The following TBC1D16 variants were observed in gnomAD, a reference collection of about 807,000 sequenced individuals.
TBC1D16 encodes the protein TBC1 domain family member 16, also known as CTD-2529O21.1.
TBC1D16 carries 58 observed loss-of-function variants against 74.7 expected under a neutral mutation model. The observed-to-expected ratio is 0.78, with a 90% CI of 0.63 to 0.97. TBC1D16 has a LOEUF of 0.97. Ranked by LOEUF, TBC1D16 falls within the 50% of genes least tolerant of loss-of-function variation. TBC1D16 has a pLI of 0.00. For synonymous variants in TBC1D16, 493 were observed against 474.7 expected (o/e 1.04, Z -0.50); for missense variants, 1,014 against 1,079.5 (o/e 0.94, Z 0.85).
At position 79,948,913 on chromosome 17, in the gene TBC1D16, C is replaced by G; in HGVS notation, c.1500G>C (p.Gln500His). 6.2e-7 allele frequency: 1 copy of G among 1,614,170 alleles called. No individual in the cohort carries two copies. Among genetic ancestry groups the G allele is most frequent in the South Asian group, 1.1e-5 (1 of 91,086 alleles). Residue 500 changes from glutamine (Q) to histidine (H), a missense_variant, in exon 8 of 12, where the codon CAG becomes CAC. Coordinates refer to ENST00000310924, the MANE Select transcript of TBC1D16 (RefSeq NM_019020.4). ...KDVVRTDRNNQFFRGEDNPNV... is the reference protein window; with the variant it reads ...KDVVRTDRNNHFFRGEDNPNV... ...TGGGATTGTCTTCCCCCCGGAAGAA[C>G]TGGTTGTTCCGATCTGTCCGGACCA...
Position 79,938,339 on chromosome 17 carries a change from A to G in TBC1D16, c.*2520T>C, listed in dbSNP as rs1312215062. 2.0e-5 allele frequency: 3 copies of G among 152,466 alleles called. No individual in the cohort carries two copies. The highest frequency in any genetic ancestry group is 7.2e-5 in the African/African-American group (3 of 41,450). 9.4% of individuals were successfully genotyped at this position (152,466 alleles called of 1,614,324 possible). ...CCCATGGGGAGCGTGAGGTGCGAGC[A>G]GTGCACGGTGGGGGTGGCACTTGGT... On this transcript the variant is annotated 3_prime_UTR_variant, in exon 12 of 12. Coordinates refer to ENST00000310924, the MANE Select transcript of TBC1D16 (RefSeq NM_019020.4).
chr17:79,971,266 A>G lies in TBC1D16; in HGVS notation c.780-18448T>C, dbSNP rs1237959203. Reference sequence around the variant, plus strand: ...TCAAACTCCTGGCCTCAGGTGATCCACCCACTTCGGCCTCCCAAAGTGCTG... The same window carrying G: ...TCAAACTCCTGGCCTCAGGTGATCCGCCCACTTCGGCCTCCCAAAGTGCTG... On this transcript the variant is annotated intron_variant, in intron 3 of 11. Transcript: ENST00000310924. This position sits in a 1 kb window ranked among gnomAD's most constrained non-coding sequence, Gnocchi z 4.6. 6.6e-6 allele frequency among the ~76,000 whole-genome samples: 1 copy of G among 152,108 alleles called. No homozygotes were observed. The highest frequency in any genetic ancestry group is 1.9e-4 in the East Asian group (1 of 5,182).
At chr17:79,951,013 CA>C (rs2033011436) in intron 5 of TBC1D16, among the ~76,000 whole-genome samples, 1 of 152,126 alleles carries the variant, frequency 6.6e-6, no homozygotes, top group Non-Finnish European at 1.5e-5. Flanking sequence ...CTGCAGCTGA[CA>C]TTTAATTCAA....
chr17:80,031,061 C>T (rs2036759466), intron 1 of TBC1D16, among the ~76,000 whole-genome samples: 1 of 152,142 alleles, frequency 6.6e-6, no homozygotes, highest in African/African-American at 2.4e-5. Context: ...GCTTCCTCCA[C>T]CTGCCCAGAG....
intron 3 of TBC1D16, among the ~76,000 whole-genome samples, chr17:79,955,642 G>A (rs921966341): frequency 1.3e-5 from 2 of 152,138 alleles, no homozygotes; most frequent in East Asian, 3.8e-4. Flanking sequence ...TTTTGCAGGC[G>A]ATAACTCCCA....
intron 3 of TBC1D16, chr17:79,992,951 C>T (rs1209704698): frequency 1.3e-5 from 2 of 152,314 alleles, no homozygotes; most frequent in East Asian, 1.9e-4. Flanking sequence ...GGGCTGGTCT[C>T]GACCCCACTC....
chr17:80,012,839 T>C (rs1308819330), intron 2 of TBC1D16, among the ~76,000 whole-genome samples: 1 of 152,116 alleles, frequency 6.6e-6, no homozygotes, highest in Non-Finnish European at 1.5e-5. Context: ...TGAAACATCC[T>C]TTTAGCAGCC....
chr17:80,005,027 A>G (rs1483730956), intron 3 of TBC1D16, among the ~76,000 whole-genome samples: 1 of 152,096 alleles, frequency 6.6e-6, no homozygotes, highest in African/African-American at 2.4e-5. Flanking sequence ...GGTCCAGAGG[A>G]GACATTTTCA....
At chr17:79,949,461 G>C (rs1480589693) in intron 7 of TBC1D16, among the ~76,000 whole-genome samples, 1 of 152,226 alleles carries the variant, frequency 6.6e-6, no homozygotes, top group East Asian at 1.9e-4. Context: ...TCAGCGCCTA[G>C]TTAAGTCTGT....
At chr17:79,982,141 G>T (rs1029680342) in intron 3 of TBC1D16, among the ~76,000 whole-genome samples, 27 of 148,550 alleles carry the variant, frequency 1.8e-4, no homozygotes, top group Admixed American at 3.3e-4. Context: ...TCTTTGTGTG[G>T]TTTTTTTTTC....
chr17:79,970,669 G>A (rs2034049699), intron 3 of TBC1D16, among the ~76,000 whole-genome samples: 1 of 152,192 alleles, frequency 6.6e-6, no homozygotes, highest in South Asian at 2.1e-4. Flanking sequence ...CTAAGGGAAT[G>A]AGCACAGGGT....
rs2032935511 is a variant in TBC1D16 at position 79,950,240 on chromosome 17, TTGCTTTATCGGTG to T, written c.1257+158_1257+170del. Among the ~76,000 whole-genome samples the T allele has an allele frequency of 6.6e-6, 1 of 152,016 alleles. No individual in the cohort carries two copies. The highest frequency in any genetic ancestry group is 2.1e-4 in the South Asian group (1 of 4,816). On this transcript the variant is annotated intron_variant, in intron 6 of 11. Transcript: ENST00000310924. The surrounding 1 kb of genome is among the most constrained non-coding windows in gnomAD (Gnocchi z 4.6). ...TTTTTTTTCAACGCAGCAGCTTTGA[TTGCTTTATCGGTG>T]TGTTCACAGAGAGCCTCACACAAGA...
chr17:79,958,035 T>C (rs1226262832), intron 3 of TBC1D16, among the ~76,000 whole-genome samples: 1 of 151,662 alleles, frequency 6.6e-6, no homozygotes, highest in Non-Finnish European at 1.5e-5. Flanking sequence ...ATACAAATAA[T>C]GAATAAAATT....
At chr17:79,942,344 G>A in intron 10 of TBC1D16, 138 bp from the exon 11 acceptor site, 1 of 912,868 alleles carries the variant, frequency 1.1e-6, no homozygotes, top group Non-Finnish European at 1.6e-6. Flanking sequence ...CGGGGGCCGT[G>A]TGGCCCTGGG....
In TBC1D16 at chr17:79,941,969, T is replaced by C; in HGVS notation, c.2055+91A>G. On this transcript the variant is annotated intron_variant, in intron 11 of 11. Transcript: ENST00000310924. The surrounding 1 kb of genome is among the most constrained non-coding windows in gnomAD (Gnocchi z 4.3). ...TGGGGCTCTGGGGGCGGGGCCCACA[T>C]CTGGGGCAGCCTCACCTTTCTGAGA... The C allele has an allele frequency of 1.6e-6, 2 of 1,259,066 alleles. No homozygotes were observed. The highest frequency in any genetic ancestry group is 2.8e-5 in the South Asian group (2 of 70,258). 78.0% of individuals were successfully genotyped at this position (1,259,066 alleles called of 1,614,324 possible).
Position 79,940,648 on chromosome 17 carries a change from A to G in TBC1D16, c.*211T>C. ...TTCCACTGCAGCGTTTCAGGAGCTG[A>G]CTTTCCTCTGGGTGGCTGTAGATCT... On this transcript the variant is annotated 3_prime_UTR_variant, in exon 12 of 12. Transcript: ENST00000310924. The surrounding 1 kb of genome is among the most constrained non-coding windows in gnomAD (Gnocchi z 5.4). 1 of 529,030 alleles carries G rather than the reference A, an allele frequency of 1.9e-6. No homozygotes were observed. The allele number at this position is 529,030 out of a possible 1,614,324, so 32.8% of individuals were successfully genotyped here.
At chr17:80,026,268 T>G (rs1436176556) in intron 1 of TBC1D16, among the ~76,000 whole-genome samples, 1 of 149,248 alleles carries the variant, frequency 6.7e-6, no homozygotes, top group Non-Finnish European at 1.5e-5. Flanking sequence ...AATTTAAAAA[T>G]ACAAAAATTA....
In TBC1D16 at chr17:80,007,452, G is replaced by A. The variant is rs112174436; in HGVS notation, c.779+2708C>T. Among the ~76,000 whole-genome samples the A allele has an allele frequency of 1.9e-4, 29 of 152,312 alleles. No individual in the cohort carries two copies. The highest frequency in any genetic ancestry group is 3.4e-3 in the Middle Eastern group (1 of 294). ...CATAACTCAGGATGATGCCAGGACTGGAAACAGATCTGTCGGACCCCAAAA... is the reference window on the plus strand; with the variant it reads ...CATAACTCAGGATGATGCCAGGACTAGAAACAGATCTGTCGGACCCCAAAA... On this transcript the variant is annotated intron_variant, in intron 3 of 11. Coordinates refer to ENST00000310924, the MANE Select transcript of TBC1D16 (RefSeq NM_019020.4). The surrounding 1 kb of genome is among the most constrained non-coding windows in gnomAD (Gnocchi z 4.5).
In TBC1D16 at chr17:79,995,462, G is replaced by A. The variant is rs551267271; in HGVS notation, c.779+14698C>T. On this transcript the variant is annotated intron_variant, in intron 3 of 11. Transcript: ENST00000310924. ...AAATAAATAAATAAACCTCGACCCC[G>A]TAAAACTTTTAGGAAAATAACAGGA... is the stretch of plus-strand genomic sequence containing the variant. Among the ~76,000 whole-genome samples the A allele has an allele frequency of 7.9e-4, 120 of 152,072 alleles. 1 individual carries two copies. The highest frequency in any genetic ancestry group is 2.8e-3 in the African/African-American group (116 of 41,484).
Sources: gnomAD v4.1 joint callset for allele counts (sites outside exome capture counted in the v4.1 genomes callset) on GRCh38, gnomAD v4.1.1 for gene constraint, Gnocchi (gnomAD v3.1) non-coding constraint, MANE v1.5 for transcripts, NCBI Gene and HGNC (gene_info 2026-07-23, HGNC 2026-07-21) for gene names.